CTNND2: variants seen among roughly 807,000 people sequenced by gnomAD.
The protein encoded by CTNND2 is catenin delta-2.
A neutral mutation model predicts 144.4 loss-of-function variants in CTNND2; 22 were observed. That is an observed-to-expected ratio of 0.15 (90% CI 0.11 to 0.22). The LOEUF (loss-of-function observed/expected upper bound fraction) is 0.22, where lower values mean the gene tolerates loss of function less well. Ranked by LOEUF, CTNND2 falls within the 10% of genes least tolerant of loss-of-function variation. CTNND2 has a pLI of 1.00. For missense variants in CTNND2, 1,353 were observed against 1,618.8 expected, an observed-to-expected ratio of 0.84 and a Z score of 2.82; for synonymous variants, 751 against 695.6, an observed-to-expected ratio of 1.08 and a Z score of -1.25.
intron 9 of CTNND2, among the ~76,000 whole-genome samples, chr5:11,345,309 A>G (rs1754660282): frequency 6.6e-6 from 1 of 152,222 alleles, no homozygotes; most frequent in Non-Finnish European, 1.5e-5. Context: ...CTGGTAGATA[A>G]CAGTAAGCAC....
At chr5:10,983,150 T>C in intron 20 of CTNND2, among the ~76,000 whole-genome samples, 1 of 152,158 alleles carries the variant, frequency 6.6e-6, no homozygotes, top group Non-Finnish European at 1.5e-5. Context: ...ACTAGAATAA[T>C]GGAATTGGGA....
intron 1 of CTNND2, among the ~76,000 whole-genome samples, chr5:11,753,016 G>A (rs372582189): frequency 5.3e-5 from 8 of 151,758 alleles, no homozygotes; most frequent in Non-Finnish European, 1.2e-4. Context: ...ACTGATTTTT[G>A]TGCACTAATT....
chr5:11,832,345 T>C (rs1283907204), intron 1 of CTNND2, among the ~76,000 whole-genome samples: 1 of 148,570 alleles, frequency 6.7e-6, no homozygotes, highest in Non-Finnish European at 1.5e-5. Context: ...GTCAAGAAAA[T>C]GAAAAGACAA....
At chr5:11,041,672 C>A (rs2149568390) in intron 16 of CTNND2, among the ~76,000 whole-genome samples, 1 of 152,218 alleles carries the variant, frequency 6.6e-6, no homozygotes, top group Middle Eastern at 3.4e-3. Context: ...AGCTAACAAA[C>A]CTATGTCTAC....
intron 2 of CTNND2, among the ~76,000 whole-genome samples, chr5:11,565,580 A>C (rs957155245): frequency 1.4e-4 from 21 of 151,994 alleles, no homozygotes; most frequent in African/African-American, 4.8e-4. Flanking sequence ...ACTCTTCATA[A>C]CTTTGCATTC....
chr5:11,439,665 T>C (rs1176410162), intron 3 of CTNND2, among the ~76,000 whole-genome samples: 1 of 152,034 alleles, frequency 6.6e-6, no homozygotes, highest in African/African-American at 2.4e-5. Context: ...CCCCAGTAGC[T>C]AGGGGTACAA....
intron 2 of CTNND2, among the ~76,000 whole-genome samples, chr5:11,674,966 T>G (rs1784096820): frequency 6.6e-6 from 1 of 152,150 alleles, no homozygotes; most frequent in South Asian, 2.1e-4. Context: ...GACCATGTGA[T>G]CCTCCTGCCT....
chr5:11,834,274 T>TTACC (rs1372079343), intron 1 of CTNND2, among the ~76,000 whole-genome samples: 1 of 152,228 alleles, frequency 6.6e-6, no homozygotes, highest in African/African-American at 2.4e-5. Flanking sequence ...TCATAGCACC[T>TTACC]TACCCTCTCT....
intron 16 of CTNND2, among the ~76,000 whole-genome samples, chr5:11,070,842 G>C (rs1274786505): frequency 1.3e-5 from 2 of 152,102 alleles, no homozygotes; most frequent in Non-Finnish European, 2.9e-5. Context: ...TCAGGCAGAA[G>C]GGAAATTATA....
At chr5:11,602,579 A>G (rs988390567) in intron 2 of CTNND2, among the ~76,000 whole-genome samples, 1 of 150,970 alleles carries the variant, frequency 6.6e-6, no homozygotes, top group African/African-American at 2.4e-5. Context: ...TAACCTTACA[A>G]TATTCATGTT....
intron 16 of CTNND2, among the ~76,000 whole-genome samples, chr5:11,041,352 G>A (rs904975994): frequency 2.6e-5 from 4 of 152,244 alleles, no homozygotes; most frequent in Middle Eastern, 6.8e-3. Flanking sequence ...TATAAAAATG[G>A]CAGGTATAAT....
chr5:11,433,606 A>G (rs1377010548), intron 3 of CTNND2, among the ~76,000 whole-genome samples: 2 of 152,136 alleles, frequency 1.3e-5, no homozygotes, highest in East Asian at 1.9e-4. Flanking sequence ...AGGTGCATCA[A>G]TGGTGAGAAC....
chr5:11,066,628 G>C (rs746689041), intron 16 of CTNND2, among the ~76,000 whole-genome samples: 2 of 152,110 alleles, frequency 1.3e-5, no homozygotes, highest in Admixed American at 6.5e-5. Flanking sequence ...CCTCCTGAGG[G>C]CTGTGTCATG....
intron 21 of CTNND2, among the ~76,000 whole-genome samples, chr5:10,980,213 A>G (rs904356334): frequency 7.2e-5 from 11 of 152,054 alleles, no homozygotes; most frequent in African/African-American, 2.7e-4. Context: ...CAAGAAAAAA[A>G]AAACCCATCA....
At chr5:11,593,001 G>A (rs1779329018) in intron 2 of CTNND2, among the ~76,000 whole-genome samples, 1 of 151,718 alleles carries the variant, frequency 6.6e-6, no homozygotes, top group African/African-American at 2.4e-5. Flanking sequence ...AGTGCAGAGG[G>A]AAAGATAGTG....
intron 18 of CTNND2, among the ~76,000 whole-genome samples, chr5:10,993,124 A>G (rs1738894676): frequency 6.6e-6 from 1 of 152,150 alleles, no homozygotes; most frequent in Non-Finnish European, 1.5e-5. Flanking sequence ...AATCCAGGGC[A>G]GCGTCCTCCC....
At position 11,205,847 on chromosome 5, in the gene CTNND2, C is replaced by T. The variant is rs77587986; in HGVS notation, c.1762-6186G>A. Among the ~76,000 whole-genome samples the T allele has an allele frequency of 7.2e-3, 1,099 of 152,216 alleles. 10 individuals are homozygous for T. The highest frequency in any genetic ancestry group is 0.025 in the African/African-American group (1,052 of 41,534). The stretch of plus-strand genomic sequence containing the variant: ...TATGTTTCTTTCTCAATTGTGTTTT[C>T]GAGAGAAAGCACATTGCAGTGACTG... On this transcript the variant is annotated intron_variant, in intron 10 of 21. Coordinates refer to ENST00000304623, the MANE Select transcript of CTNND2 (RefSeq NM_001332.4).
At chr5:11,763,914 G>GT (rs1161603879) in intron 1 of CTNND2, among the ~76,000 whole-genome samples, 2 of 151,432 alleles carry the variant, frequency 1.3e-5, no homozygotes, top group Non-Finnish European at 2.9e-5. Flanking sequence ...TGCAGTCAGA[G>GT]TTGGCCCCCA....
intron 1 of CTNND2, among the ~76,000 whole-genome samples, chr5:11,777,646 C>CTAT (rs1790328425): frequency 6.6e-6 from 1 of 152,070 alleles, no homozygotes; most frequent in Admixed American, 6.6e-5. Context: ...GGGACTGTGC[C>CTAT]TAAAGCAGGG....
Sources: gnomAD v4.1 joint callset for allele counts (sites outside exome capture counted in the v4.1 genomes callset) on GRCh38, gnomAD v4.1.1 for gene constraint, MANE v1.5 for transcripts, NCBI Gene and HGNC (gene_info 2026-07-23, HGNC 2026-07-21) for gene names.